The following GALNT14 variants were observed in gnomAD, a reference collection of about 807,000 sequenced individuals.
The protein encoded by GALNT14 is polypeptide N-acetylgalactosaminyltransferase 14.
Under a neutral mutation model 77.5 loss-of-function variants are expected in GALNT14, and 60 were observed. The observed-to-expected ratio is 0.77, with a 90% confidence interval of 0.63 to 0.96. The LOEUF (loss-of-function observed/expected upper bound fraction) is 0.96. GALNT14 is among the 40% of genes least tolerant of loss of function. The probability of loss-of-function intolerance (pLI) is 0.00; values close to 1 mark genes in which losing one functional copy is unlikely to be tolerated. For missense variants in GALNT14, 710 were observed against 731.0 expected, an observed-to-expected ratio of 0.97 and a Z score of 0.33; for synonymous variants, 280 against 281.7, an observed-to-expected ratio of 0.99 and a Z score of 0.06.
chr2:30,980,009 G>A (rs549010626), intron 2 of GALNT14, among the ~76,000 whole-genome samples: 41 of 152,274 alleles, frequency 2.7e-4, no homozygotes, highest in Admixed American at 4.6e-4. Context: ...TCGCCTCCTC[G>A]CTCATTTTGC....
intron 1 of GALNT14, among the ~76,000 whole-genome samples, chr2:31,118,141 G>A (rs897686598): frequency 2.0e-5 from 3 of 152,146 alleles, no homozygotes; most frequent in Non-Finnish European, 4.4e-5. Flanking sequence ...TAGAGAAGGT[G>A]ACTAAAGGGC....
chr2:30,943,755 T>C (rs772196251), intron 8 of GALNT14, among the ~76,000 whole-genome samples: 3 of 152,172 alleles, frequency 2.0e-5, no homozygotes, highest in Non-Finnish European at 4.4e-5. Context: ...GGGTACCAAC[T>C]GGCTCCAATT....
At chr2:31,087,100 A>G (rs1250758275) in intron 1 of GALNT14, among the ~76,000 whole-genome samples, 2 of 152,272 alleles carry the variant, frequency 1.3e-5, no homozygotes, top group East Asian at 3.9e-4. Context: ...CCAGAAGATG[A>G]TAAGGCACCA....
At chr2:30,912,419 G>A in intron 13 of GALNT14, 77 bp from the exon 14 acceptor site, 1 of 1,545,678 alleles carries the variant, frequency 6.5e-7, no homozygotes, top group African/African-American at 1.4e-5. Context: ...ACACTTACGG[G>A]TGTGATTAGC....
chr2:30,939,662 A>G (rs752016133), intron 9 of GALNT14, among the ~76,000 whole-genome samples: 2 of 152,172 alleles, frequency 1.3e-5, no homozygotes, highest in Non-Finnish European at 2.9e-5. Flanking sequence ...ATGGAGGACC[A>G]CTGAGGAGAG....
chr2:30,911,604 G>C (rs2148195175), intron 14 of GALNT14, among the ~76,000 whole-genome samples: 1 of 152,334 alleles, frequency 6.6e-6, no homozygotes, highest in Middle Eastern at 3.4e-3. Flanking sequence ...TTACTGCCAA[G>C]AGACAGTCAC....
At chr2:31,063,436 G>A (rs535316897) in intron 1 of GALNT14, among the ~76,000 whole-genome samples, 7 of 152,134 alleles carry the variant, frequency 4.6e-5, no homozygotes, top group Admixed American at 6.5e-5. Context: ...TTTTGGTGCC[G>A]GTACCATGCT....
chr2:30,895,790 G>A, the GALNT14 span, among the ~76,000 whole-genome samples: 1 of 151,912 alleles, frequency 6.6e-6, no homozygotes. Flanking sequence ...CTCTTTCCCT[G>A]CTCTCTCTCT....
chr2:31,117,890 C>T (rs1459050355), intron 1 of GALNT14, among the ~76,000 whole-genome samples: 1 of 152,166 alleles, frequency 6.6e-6, no homozygotes, highest in Non-Finnish European at 1.5e-5. Context: ...TGTGGCCCTG[C>T]CATCCCTAGA....
rs1558589289 is a variant in GALNT14, at chr2:31,130,791, C to CCTGTGTGTGT, written c.129+7166_129+7167insACACACACAG. 2.6e-3 allele frequency among the ~76,000 whole-genome samples: 244 copies of CCTGTGTGTGT among 92,902 alleles called. 6 individuals carry two copies. The highest frequency in any genetic ancestry group is 7.9e-3 in the African/African-American group (180 of 22,854). The allele number at this position is 92,902 out of a possible 152,430, so 60.9% of individuals were successfully genotyped here. On this transcript the variant is annotated intron_variant, in intron 1 of 14. Transcript: ENST00000349752. ...GTGTGTGTGTGTGTGTGTGCGCGCG[C>CCTGTGTGTGT]ACCTGTGTGTGTGCCTGTGTGTGTA...
chr2:31,042,087 T>A (rs527407256), intron 1 of GALNT14, among the ~76,000 whole-genome samples: 158 of 152,256 alleles, frequency 1.0e-3, no homozygotes, highest in African/African-American at 3.5e-3. Context: ...GTTATATAAG[T>A]GTGCACTCAG....
chr2:31,103,759 C>A (rs1236075479), intron 1 of GALNT14, among the ~76,000 whole-genome samples: 1 of 152,096 alleles, frequency 6.6e-6, no homozygotes, highest in Non-Finnish European at 1.5e-5. Context: ...TTCTACATCA[C>A]CAGGGCACAG....
At chr2:31,128,307 C>A (rs776975004) in intron 1 of GALNT14, among the ~76,000 whole-genome samples, 7 of 152,010 alleles carry the variant, frequency 4.6e-5, no homozygotes, top group Non-Finnish European at 8.8e-5. Context: ...AGGGTGCCCC[C>A]ACATTAGAGG....
intron 1 of GALNT14, among the ~76,000 whole-genome samples, chr2:31,122,910 T>G (rs570792417): frequency 2.0e-4 from 30 of 152,314 alleles, no homozygotes; most frequent in Non-Finnish European, 3.8e-4. Context: ...GGCCGGGTGC[T>G]GTGGCTTACG....
At chr2:31,121,653 C>T (rs1678420657) in intron 1 of GALNT14, among the ~76,000 whole-genome samples, 1 of 152,074 alleles carries the variant, frequency 6.6e-6, no homozygotes, top group Admixed American at 6.6e-5. Context: ...ACCTCGCTGC[C>T]CACTGCCGCC....
intron 1 of GALNT14, among the ~76,000 whole-genome samples, chr2:31,047,252 G>T (rs1209604266): frequency 6.6e-6 from 1 of 152,182 alleles, no homozygotes; most frequent in Non-Finnish European, 1.5e-5. Context: ...GCAAGCCATG[G>T]TGGGAAGGGA....
chr2:31,093,334 C>A (rs1228165674), intron 1 of GALNT14, among the ~76,000 whole-genome samples: 1 of 152,212 alleles, frequency 6.6e-6, no homozygotes, highest in Non-Finnish European at 1.5e-5. Flanking sequence ...TGGGTTACTA[C>A]AGATTAGTCT....
intron 1 of GALNT14, among the ~76,000 whole-genome samples, chr2:31,118,131 T>C (rs1291713987): frequency 6.6e-6 from 1 of 152,224 alleles, no homozygotes; most frequent in African/African-American, 2.4e-5. Context: ...ATGGCAGAGA[T>C]AGAGAAGGTG....
At chr2:31,006,680 C>A (rs1197968021) in intron 1 of GALNT14, among the ~76,000 whole-genome samples, 1 of 152,184 alleles carries the variant, frequency 6.6e-6, no homozygotes, top group Non-Finnish European at 1.5e-5. Flanking sequence ...TGGCAGGAAG[C>A]ACAGTTGTAC....
Sources: allele counts gnomAD v4.1 joint callset (sites outside exome capture counted in the v4.1 genomes callset), GRCh38; gene constraint gnomAD v4.1.1; transcripts MANE v1.5; gene names NCBI Gene and HGNC (gene_info 2026-07-23, HGNC 2026-07-21).